The following DGKB variants were observed in gnomAD, a reference collection of about 807,000 sequenced individuals.
DGKB encodes 90 kDa diacylglycerol kinase.
DGKB carries 67 observed loss-of-function variants against 114.3 expected under a neutral mutation model. The observed-to-expected ratio is 0.59, with a 90% CI of 0.48 to 0.72. The LOEUF (loss-of-function observed/expected upper bound fraction) is 0.72, where lower values mean the gene tolerates loss of function less well. DGKB is among the 30% of genes least tolerant of loss of function. DGKB has a pLI of 0.00. For synonymous variants in DGKB, 398 were observed against 323.1 expected (o/e 1.23, Z -2.49); for missense variants, 907 against 975.2 (o/e 0.93, Z 0.93).
Position 14,146,582 on chromosome 7 carries a change from A to G in DGKB, c.*2549T>C, listed in dbSNP as rs1446543791. 1 of 152,198 alleles carries G rather than the reference A, an allele frequency of 6.6e-6. No individual in the cohort carries two copies. Among genetic ancestry groups the G allele is most frequent in the Non-Finnish European group, 1.5e-5 (1 of 68,022 alleles). The allele number at this position is 152,198 out of a possible 1,614,324, so 9.4% of individuals were successfully genotyped here. A position where few individuals can be genotyped will look rare whatever the true frequency, so the allele number is the denominator to read the frequency against. On this transcript the variant is annotated 3_prime_UTR_variant, in exon 26 of 26. Coordinates refer to ENST00000402815, the MANE Select transcript of DGKB (RefSeq NM_001350709.2). ...TATATATTTTTCATATGAAGCTGTC[A>G]TAAAACTGATGAGAATATCTTCTCT...
chr7:14,248,708 A>C (rs1260384088), intron 23 of DGKB, among the ~76,000 whole-genome samples: 1 of 152,092 alleles, frequency 6.6e-6, no homozygotes, highest in Non-Finnish European at 1.5e-5. Context: ...ATACTGCAAT[A>C]CTATTCAATT....
chr7:14,671,436 T>C lies in DGKB; in HGVS notation c.1134+1493A>G, dbSNP rs191928203. On this transcript the variant is annotated intron_variant, in intron 13 of 25. Coordinates refer to ENST00000402815, the MANE Select transcript of DGKB (RefSeq NM_001350709.2). ...TTATTAAAACTGTGGGGATATTTAA[T>C]GATTAGAGATGAATCTTCAGAATAA... 3.3e-5 allele frequency among the ~76,000 whole-genome samples: 5 copies of C among 152,294 alleles called. No individual in the cohort carries two copies. The East Asian group carries it at 7.7e-4, about 24-fold the overall frequency.
intron 5 of DGKB, among the ~76,000 whole-genome samples, chr7:14,726,075 A>G (rs1224359726): frequency 6.6e-6 from 1 of 152,108 alleles, no homozygotes; most frequent in African/African-American, 2.4e-5. Flanking sequence ...GGAGAGAACA[A>G]GTTGCACAGG....
At chr7:14,867,835 T>G (rs1851902257) in intron 1 of DGKB, among the ~76,000 whole-genome samples, 1 of 152,130 alleles carries the variant, frequency 6.6e-6, no homozygotes, top group African/African-American at 2.4e-5. Context: ...CCTTAACCTA[T>G]GTCTAATTTT....
chr7:14,517,370 G>A (rs1289246976), intron 20 of DGKB, among the ~76,000 whole-genome samples: 1 of 151,864 alleles, frequency 6.6e-6, no homozygotes, highest in African/African-American at 2.4e-5. Context: ...GACAGCCTAG[G>A]GAATACCATT....
intron 21 of DGKB, among the ~76,000 whole-genome samples, chr7:14,459,144 C>T (rs1404281457): frequency 6.6e-6 from 1 of 152,130 alleles, no homozygotes; most frequent in Admixed American, 6.5e-5. Context: ...AGCCAGACTG[C>T]CTCTCTCAAT....
intron 10 of DGKB, among the ~76,000 whole-genome samples, chr7:14,683,895 T>G (rs1268118620): frequency 6.6e-6 from 1 of 152,116 alleles, no homozygotes; most frequent in African/African-American, 2.4e-5. Context: ...CAGTAAAAAC[T>G]TATGAGCAAA....
At chr7:14,962,293 A>G (rs1429843605) in intron 1 of DGKB, among the ~76,000 whole-genome samples, 5 of 152,008 alleles carry the variant, frequency 3.3e-5, no homozygotes, top group Non-Finnish European at 7.4e-5. Flanking sequence ...GGCTGTATCT[A>G]TTTGCATTTT....
chr7:14,340,985 TTC>T lies in DGKB; in HGVS notation c.1927-2277_1927-2276del, dbSNP rs531555915. ...AAAGGAGAGCATGTTGCAAAGAGGC[TTC>T]TTTTTTTTTTAAAAAAAAGAATTGA... is the stretch of plus-strand genomic sequence containing the variant. On this transcript the variant is annotated intron_variant, in intron 22 of 25. Transcript: ENST00000402815. Among the ~76,000 whole-genome samples the T allele has an allele frequency of 3.5e-3, 491 of 138,668 alleles. 1 individual carries two copies. The highest frequency in any genetic ancestry group is 0.012 in the African/African-American group (449 of 38,516). The allele number at this position is 138,668 out of a possible 152,430, so 91.0% of individuals were successfully genotyped here.
intron 5 of DGKB, among the ~76,000 whole-genome samples, chr7:14,726,828 T>C (rs1830101589): frequency 6.6e-6 from 1 of 152,166 alleles, no homozygotes; most frequent in African/African-American, 2.4e-5. Context: ...ACACAATAAA[T>C]ATTCAGGACC....
At chr7:14,654,214 A>C (rs1366030705) in intron 13 of DGKB, among the ~76,000 whole-genome samples, 3 of 152,114 alleles carry the variant, frequency 2.0e-5, no homozygotes, top group Non-Finnish European at 4.4e-5. Flanking sequence ...AACATACAAA[A>C]AAATCAGTAG....
chr7:14,640,605 C>T (rs1563758662), intron 13 of DGKB, among the ~76,000 whole-genome samples: 1 of 152,024 alleles, frequency 6.6e-6, no homozygotes, highest in Non-Finnish European at 1.5e-5. Context: ...TATCCTTATT[C>T]CACATAAAGG....
chr7:14,628,872 C>A (rs1178436083), intron 14 of DGKB, among the ~76,000 whole-genome samples: 1 of 151,286 alleles, frequency 6.6e-6, no homozygotes, highest in Non-Finnish European at 1.5e-5. Flanking sequence ...ATATATAGTG[C>A]CAGAAAAAAA....
chr7:14,367,306 T>C (rs1216380834), intron 21 of DGKB, among the ~76,000 whole-genome samples: 2 of 152,020 alleles, frequency 1.3e-5, no homozygotes, highest in African/African-American at 4.8e-5. Flanking sequence ...CCATGTGTGG[T>C]GAGAGGGATC....
chr7:14,563,744 G>A (rs2128678316), intron 20 of DGKB, among the ~76,000 whole-genome samples: 1 of 149,172 alleles, frequency 6.7e-6, no homozygotes, highest in African/African-American at 2.5e-5. Flanking sequence ...CTATGTTTAT[G>A]TAATCTGCAC....
At chr7:14,582,793 C>A (rs1044020306) in intron 18 of DGKB, among the ~76,000 whole-genome samples, 2 of 152,012 alleles carry the variant, frequency 1.3e-5, no homozygotes, top group African/African-American at 4.8e-5. Flanking sequence ...TTCCTAGAGC[C>A]CCTGAAAACA....
intron 23 of DGKB, among the ~76,000 whole-genome samples, chr7:14,314,346 G>A (rs1403621084): frequency 1.3e-5 from 2 of 151,810 alleles, no homozygotes; most frequent in African/African-American, 2.4e-5. Flanking sequence ...GCTACGGGAG[G>A]ACATTCAAAC....
chr7:14,562,364 C>T (rs1345472941), intron 20 of DGKB, among the ~76,000 whole-genome samples: 1 of 152,172 alleles, frequency 6.6e-6, no homozygotes, highest in Non-Finnish European at 1.5e-5. Flanking sequence ...TACACAGAGT[C>T]CCCACTGGGA....
At chr7:14,735,239 A>G (rs1225690896) in intron 5 of DGKB, among the ~76,000 whole-genome samples, 2 of 152,118 alleles carry the variant, frequency 1.3e-5, no homozygotes, top group African/African-American at 2.4e-5. Context: ...GCAGCCAGGA[A>G]GTATCACTTC....
Sources: gnomAD v4.1 joint callset for allele counts (sites outside exome capture counted in the v4.1 genomes callset) on GRCh38, gnomAD v4.1.1 for gene constraint, MANE v1.5 for transcripts, NCBI Gene and HGNC (gene_info 2026-07-23, HGNC 2026-07-21) for gene names.